Variants in CSMD1 observed in about 807,000 individuals in gnomAD.
CSMD1 encodes the protein CUB and sushi domain-containing protein 1.
A neutral mutation model predicts 417.5 loss-of-function variants in CSMD1; 213 were observed. That is an observed-to-expected ratio of 0.51 (90% CI 0.46 to 0.57). The LOEUF (loss-of-function observed/expected upper bound fraction) is 0.57, where lower values mean the gene tolerates loss of function less well. CSMD1 is among the 20% of genes least tolerant of loss of function. The pLI is 0.00. For synonymous variants in CSMD1, 2,862 were observed against 1,736.8 expected (o/e 1.65, Z -16.11); for missense variants, 6,923 against 4,529.7 (o/e 1.53, Z -15.17).
intron 10 of CSMD1, among the ~76,000 whole-genome samples, chr8:3,541,005 T>C (rs919695755): frequency 2.6e-5 from 4 of 152,176 alleles, no homozygotes; most frequent in African/African-American, 9.7e-5. Flanking sequence ...GAAATACCAT[T>C]TGACCCAGCA....
At chr8:3,019,650 C>T (rs1282859259) in intron 51 of CSMD1, among the ~76,000 whole-genome samples, 2 of 152,158 alleles carry the variant, frequency 1.3e-5, no homozygotes, top group Admixed American at 6.5e-5. Flanking sequence ...ATGGGGTGAC[C>T]CTATGCCCCA....
At chr8:4,531,552 T>C (rs1222507940) in intron 2 of CSMD1, among the ~76,000 whole-genome samples, 1 of 152,148 alleles carries the variant, frequency 6.6e-6, no homozygotes, top group Non-Finnish European at 1.5e-5. Flanking sequence ...TGTAACTACA[T>C]GTTAAAGTGT....
At chr8:3,878,670 T>C (rs1451003980) in intron 5 of CSMD1, among the ~76,000 whole-genome samples, 1 of 152,230 alleles carries the variant, frequency 6.6e-6, no homozygotes, top group African/African-American at 2.4e-5. Flanking sequence ...TAGTTTCATA[T>C]TCAACTAGTC....
chr8:2,969,792 T>C (rs1804282404), intron 57 of CSMD1, among the ~76,000 whole-genome samples: 1 of 152,340 alleles, frequency 6.6e-6, no homozygotes, highest in South Asian at 2.1e-4. Flanking sequence ...CCAAAATGTA[T>C]TTCAAATTTT....
chr8:3,796,636 G>T (rs1389815078), intron 5 of CSMD1, among the ~76,000 whole-genome samples: 1 of 148,166 alleles, frequency 6.7e-6, no homozygotes, highest in Non-Finnish European at 1.5e-5. Flanking sequence ...ATCTTCTAAT[G>T]TATAGATATA....
At chr8:3,012,607 T>G (rs1808481009) in intron 52 of CSMD1, among the ~76,000 whole-genome samples, 1 of 152,140 alleles carries the variant, frequency 6.6e-6, no homozygotes, top group Non-Finnish European at 1.5e-5. Context: ...TGCACCAGGA[T>G]GGAAAACATA....
At position 4,083,745 on chromosome 8, in the gene CSMD1, A is replaced by G. The variant is rs1429476510; in HGVS notation, c.416-51646T>C. Among the ~76,000 whole-genome samples, 2 of 152,326 alleles carry G rather than the reference A, an allele frequency of 1.3e-5. 1 individual carries two copies. The highest frequency in any genetic ancestry group is 4.1e-4 in the South Asian group (2 of 4,828). On this transcript the variant is annotated intron_variant, in intron 3 of 69. Transcript: ENST00000635120. Reference sequence around the variant, plus strand: ...CCTAAAGCCATAAAAACCCTAGAAGAAAACCTAGGCATTACCATTCAGGAC... The same window carrying G: ...CCTAAAGCCATAAAAACCCTAGAAGGAAACCTAGGCATTACCATTCAGGAC...
At chr8:4,671,602 T>G (rs188743356) in intron 1 of CSMD1, among the ~76,000 whole-genome samples, 2 of 152,348 alleles carry the variant, frequency 1.3e-5, no homozygotes, top group East Asian at 3.9e-4. Flanking sequence ...CAACGTTATC[T>G]TCAACAGTTC....
chr8:3,766,121 G>C (rs73498850), intron 5 of CSMD1, among the ~76,000 whole-genome samples: 1,856 of 152,286 alleles, frequency 0.012, 32 homozygotes, highest in African/African-American at 0.042. Context: ...AGACAGTCGA[G>C]AGACAGTGGC....
chr8:4,692,284 T>G lies in CSMD1; in HGVS notation c.86-54726A>C, dbSNP rs139987961. On this transcript the variant is annotated intron_variant, in intron 1 of 69. Transcript: ENST00000635120. ...CTTAAGATGTACGTTTTCTTAGTTA[T>G]GAGAAAGGGAGAAACTCATTAAAGG... Among the ~76,000 whole-genome samples, 144 of 152,088 alleles carry G rather than the reference T, an allele frequency of 9.5e-4. 2 individuals are homozygous for G. The highest frequency in any genetic ancestry group is 3.4e-3 in the African/African-American group (139 of 41,462).
At chr8:3,990,302 T>C (rs547327255) in intron 5 of CSMD1, among the ~76,000 whole-genome samples, 1 of 152,334 alleles carries the variant, frequency 6.6e-6, no homozygotes, top group East Asian at 1.9e-4. Context: ...AAAAGTATTT[T>C]TCAATAAAAT....
chr8:3,320,708 T>G (rs978558860), intron 23 of CSMD1, among the ~76,000 whole-genome samples: 22 of 152,144 alleles, frequency 1.4e-4, no homozygotes, highest in African/African-American at 5.3e-4. Flanking sequence ...AAAGAATTTC[T>G]GCTGAGTGGG....
chr8:3,568,751 G>A (rs891217181), intron 10 of CSMD1, among the ~76,000 whole-genome samples: 1 of 151,884 alleles, frequency 6.6e-6, no homozygotes, highest in African/African-American at 2.4e-5. Flanking sequence ...ATATATGTAT[G>A]CATGCATACA....
chr8:3,210,804 A>G (rs1286166123), intron 30 of CSMD1, among the ~76,000 whole-genome samples: 1 of 151,648 alleles, frequency 6.6e-6, no homozygotes, highest in Non-Finnish European at 1.5e-5. Flanking sequence ...CTAAAGTTTT[A>G]TCACTCCCCA....
At chr8:4,120,205 A>G (rs1802402863) in intron 3 of CSMD1, among the ~76,000 whole-genome samples, 1 of 152,188 alleles carries the variant, frequency 6.6e-6, no homozygotes, top group African/African-American at 2.4e-5. Flanking sequence ...CACAAAATTT[A>G]AAATAAAAAA....
intron 12 of CSMD1, among the ~76,000 whole-genome samples, chr8:3,444,188 T>G (rs928481910): frequency 2.0e-5 from 3 of 152,140 alleles, no homozygotes; most frequent in South Asian, 2.1e-4. Flanking sequence ...GAAATATCAT[T>G]TGCCATTCAA....
At chr8:4,886,944 C>G (rs1451372104) in intron 1 of CSMD1, among the ~76,000 whole-genome samples, 1 of 151,990 alleles carries the variant, frequency 6.6e-6, no homozygotes, top group Non-Finnish European at 1.5e-5. Context: ...TGATTTCACT[C>G]ATTTTCTGTG....
At chr8:3,630,751 C>T (rs2128217) in intron 7 of CSMD1, among the ~76,000 whole-genome samples, 3 of 151,872 alleles carry the variant, frequency 2.0e-5, no homozygotes, top group African/African-American at 7.3e-5. Flanking sequence ...ACTGAGCCAA[C>T]GGTGGTAGCA....
At chr8:3,579,652 G>A (rs1800298449) in intron 9 of CSMD1, among the ~76,000 whole-genome samples, 1 of 152,098 alleles carries the variant, frequency 6.6e-6, no homozygotes, top group South Asian at 2.1e-4. Context: ...CACCACACCT[G>A]GTTCCAGGCC....
Sources: gnomAD v4.1 joint callset for allele counts (sites outside exome capture counted in the v4.1 genomes callset) on GRCh38, gnomAD v4.1.1 for gene constraint, MANE v1.5 for transcripts, NCBI Gene and HGNC (gene_info 2026-07-23, HGNC 2026-07-21) for gene names.